The following ANO4 variants were observed in gnomAD, a reference collection of about 807,000 sequenced individuals.
ANO4 encodes the protein anoctamin-4.
ANO4 carries 69 observed loss-of-function variants against 141.9 expected under a neutral mutation model. The observed-to-expected ratio is 0.49, with a 90% CI of 0.40 to 0.59. The LOEUF is 0.59. ANO4 is among the 20% of genes least tolerant of loss of function. The pLI is 0.00. For missense variants in ANO4, 894 were observed against 1,162.2 expected (o/e 0.77, Z 3.36); for synonymous variants, 350 against 394.3 (o/e 0.89, Z 1.33).
intron 1 of ANO4, among the ~76,000 whole-genome samples, chr12:100,894,106 G>C (rs528744816): frequency 6.6e-6 from 1 of 152,244 alleles, no homozygotes; most frequent in East Asian, 1.9e-4. Flanking sequence ...CTCAGTTAAC[G>C]TGGCTTTAGA....
chr12:100,845,602 A>C (rs117150448), intron 1 of ANO4, among the ~76,000 whole-genome samples: 2,019 of 152,258 alleles, frequency 0.013, 24 homozygotes, highest in Non-Finnish European at 0.019. Flanking sequence ...TATATGGTAC[A>C]TATGTCTGTA....
Position 101,110,573 on chromosome 12 carries a change from T to C in ANO4, c.2302+17T>C. 6.5e-7 allele frequency: 1 copy of C among 1,530,934 alleles called. No individual in the cohort carries two copies. The highest frequency in any genetic ancestry group is 1.4e-5 in the South Asian group (1 of 73,698). 94.8% of individuals were successfully genotyped at this position (1,530,934 alleles called of 1,614,324 possible). On this transcript the variant is annotated intron_variant, in intron 23 of 27. Coordinates refer to ENST00000392977, the MANE Select transcript of ANO4 (RefSeq NM_001286615.2). ...AAGACATAGGTAAGTTGGATTTGGG[T>C]ATGTTTTTAAAAAACATATTAAACA...
At chr12:100,922,559 C>T (rs117851289) in intron 3 of ANO4, among the ~76,000 whole-genome samples, 95 of 152,108 alleles carry the variant, frequency 6.2e-4, no homozygotes, top group East Asian at 4.1e-3. Context: ...AAAGCTATAA[C>T]GGAATGATCA....
chr12:100,992,729 G>A (rs2045196798), intron 8 of ANO4, among the ~76,000 whole-genome samples: 1 of 152,146 alleles, frequency 6.6e-6, no homozygotes, highest in South Asian at 2.1e-4. Flanking sequence ...GCCCATGATT[G>A]TATCTCCAAT....
intron 1 of ANO4, among the ~76,000 whole-genome samples, chr12:100,882,148 A>G (rs2039600961): frequency 6.6e-6 from 1 of 152,220 alleles, no homozygotes; most frequent in South Asian, 2.1e-4. Flanking sequence ...TAGTAAATGT[A>G]TTAACTCATG....
At chr12:100,789,814 C>G (rs1225721198), upstream of ANO4, among the ~76,000 whole-genome samples, 1 of 152,168 alleles carries the variant, frequency 6.6e-6, no homozygotes, top group Non-Finnish European at 1.5e-5. Flanking sequence ...AAGATGGATT[C>G]ATTCTTTGTG....
intron 1 of ANO4, among the ~76,000 whole-genome samples, chr12:100,849,489 G>A (rs2037754643): frequency 6.6e-6 from 1 of 152,132 alleles, no homozygotes; most frequent in African/African-American, 2.4e-5. Context: ...GGTAACATAG[G>A]CTGCAGGCTG....
intron 5 of ANO4, among the ~76,000 whole-genome samples, chr12:100,969,065 G>A (rs2043807315): frequency 6.6e-6 from 1 of 152,182 alleles, no homozygotes; most frequent in African/African-American, 2.4e-5. Context: ...CTCATTTGCA[G>A]TAACCTGCAG....
At chr12:100,822,305 G>A (rs553605841) in intron 1 of ANO4, among the ~76,000 whole-genome samples, 5 of 151,998 alleles carry the variant, frequency 3.3e-5, no homozygotes, top group Non-Finnish European at 7.4e-5. Flanking sequence ...TCCTTGACCA[G>A]TCAGCAGGTA....
At chr12:100,967,978 G>C (rs2043753795) in intron 5 of ANO4, among the ~76,000 whole-genome samples, 1 of 152,168 alleles carries the variant, frequency 6.6e-6, no homozygotes, top group Non-Finnish European at 1.5e-5. Flanking sequence ...TGAGCCACTT[G>C]TCACCTCTCT....
intron 17 of ANO4, among the ~76,000 whole-genome samples, chr12:101,091,164 C>T (rs1465196746): frequency 6.6e-6 from 1 of 152,124 alleles, no homozygotes; most frequent in African/African-American, 2.4e-5. Context: ...CTTTGGTACT[C>T]TGATTTTCAG....
intron 22 of ANO4, among the ~76,000 whole-genome samples, chr12:101,105,097 G>A (rs2050389344): frequency 6.6e-6 from 1 of 152,158 alleles, no homozygotes; most frequent in Admixed American, 6.6e-5. Flanking sequence ...AAGGGCAGAA[G>A]TGAGCCTCTT....
At chr12:101,010,051 G>T (rs972669434) in intron 8 of ANO4, among the ~76,000 whole-genome samples, 1 of 152,064 alleles carries the variant, frequency 6.6e-6, no homozygotes, top group African/African-American at 2.4e-5. Flanking sequence ...CCCAGAACTG[G>T]TTTAGCATTC....
At chr12:100,791,434 A>T (rs543628306), upstream of ANO4, among the ~76,000 whole-genome samples, 1 of 152,210 alleles carries the variant, frequency 6.6e-6, no homozygotes, top group African/African-American at 2.4e-5. Flanking sequence ...AACAACAAAA[A>T]TGGTAATTAT....
Position 101,099,682 on chromosome 12 carries a change from T to C in ANO4, c.2111T>C (p.Met704Thr). The C allele has an allele frequency of 6.2e-7, 1 of 1,609,868 alleles. No individual in the cohort carries two copies. The highest frequency in any genetic ancestry group is 8.5e-7 in the Non-Finnish European group (1 of 1,178,798). The change falls in exon 22 of 28, where the codon ATG (methionine) becomes ACG (threonine). Residue 704 changes from methionine (M) to threonine (T), a missense_variant. Around this residue, in one of 2 missense-constraint regions of ANO4, gnomAD observed 637 missense variants for 909.2 expected, o/e 0.70. Transcript: ENST00000392977. Reference protein sequence around the residue: ...QWEKDYNLQPMNAYGLFDEYL... With the variant: ...QWEKDYNLQPTNAYGLFDEYL... ...GAAAAGGACTATAACCTTCAGCCGA[T>C]GAATGCCTATGGACTCTTCGATGAA...
chr12:100,919,524 A>T (rs1051030346), intron 2 of ANO4, among the ~76,000 whole-genome samples: 2 of 152,160 alleles, frequency 1.3e-5, no homozygotes, highest in Non-Finnish European at 2.9e-5. Flanking sequence ...AGGCTGCACC[A>T]TGTAACCTAG....
At chr12:100,853,403 G>T (rs951466471) in intron 1 of ANO4, among the ~76,000 whole-genome samples, 2 of 152,070 alleles carry the variant, frequency 1.3e-5, no homozygotes. Context: ...ATGTTCTAGA[G>T]ATTTGTTTTT....
At chr12:101,092,430 C>T (rs1309674412) in intron 17 of ANO4, among the ~76,000 whole-genome samples, 1 of 152,184 alleles carries the variant, frequency 6.6e-6, no homozygotes, top group South Asian at 2.1e-4. Flanking sequence ...TTCCACTGCT[C>T]TTAGCAGAAC....
At chr12:101,125,624 T>A (rs552761637) in intron 26 of ANO4, among the ~76,000 whole-genome samples, 2 of 152,336 alleles carry the variant, frequency 1.3e-5, no homozygotes, top group African/African-American at 4.8e-5. Flanking sequence ...TTTCTGCAGC[T>A]ATTGAGATAA....
Sources: gnomAD v4.1 joint callset for allele counts (sites outside exome capture counted in the v4.1 genomes callset) on GRCh38, gnomAD v4.1.1 for gene constraint, gnomAD v4.1.1 regional missense constraint, MANE v1.5 for transcripts, NCBI Gene and HGNC (gene_info 2026-07-23, HGNC 2026-07-21) for gene names.